MAP3K20: variants seen among roughly 807,000 people sequenced by gnomAD.
MAP3K20 encodes mitogen-activated protein kinase kinase kinase 20.
Under a neutral mutation model 85.7 loss-of-function variants are expected in MAP3K20, and 40 were observed. The ratio of observed to expected loss-of-function variants is 0.47; its 90% confidence interval spans 0.36 to 0.61. MAP3K20 has a LOEUF of 0.61. Ranked by LOEUF, MAP3K20 falls within the 20% of genes least tolerant of loss-of-function variation. The probability of loss-of-function intolerance (pLI) is 0.00; values close to 1 mark genes in which losing one functional copy is unlikely to be tolerated. For synonymous variants in MAP3K20, 325 were observed against 327.7 expected (o/e 0.99, Z 0.09); for missense variants, 817 against 961.7 (o/e 0.85, Z 1.99).
In MAP3K20 at chr2:173,217,265, C is replaced by G. The variant is rs201555790; in HGVS notation, c.987+15C>G. 25 of 1,528,840 alleles carry G rather than the reference C, an allele frequency of 1.6e-5. No homozygotes were observed. The East Asian group carries it at 2.6e-4, about 16-fold the overall frequency. 94.7% of individuals were successfully genotyped at this position (1,528,840 alleles called of 1,614,324 possible). The stretch of plus-strand genomic sequence containing the variant: ...CCAACACCCCGGTGAGTACCCTCCC[C>G]CTTCGCCGTCTTTCCACATGCGGCT... On this transcript the variant is annotated intron_variant, in intron 11 of 19. Transcript: ENST00000375213.
At chr2:173,232,596 TGG>T in intron 14 of MAP3K20, 137 bp downstream of exon 14, 1 of 1,288,672 alleles carries the variant, frequency 7.8e-7, no homozygotes, top group Non-Finnish European at 1.1e-6. Context: ...CTCCGCCTCC[TGG>T]GTTCAAGTGA....
At chr2:173,258,496 A>G (rs906292228) in intron 16 of MAP3K20, among the ~76,000 whole-genome samples, 1 of 151,200 alleles carries the variant, frequency 6.6e-6, no homozygotes, top group African/African-American at 2.4e-5. Context: ...ACACTGATAC[A>G]TTATGTCTCA....
Position 173,220,067 on chromosome 2 carries a change from C to CA in MAP3K20, c.987+2828dup, listed in dbSNP as rs71018543. Among the ~76,000 whole-genome samples the CA allele has an allele frequency of 1.7e-3, 195 of 114,148 alleles. 4 individuals carry two copies. Among genetic ancestry groups the CA allele is most frequent in the African/African-American group, 2.7e-3 (75 of 28,170 alleles). 74.9% of individuals were successfully genotyped at this position (114,148 alleles called of 152,430 possible). On this transcript the variant is annotated intron_variant, in intron 11 of 19. Transcript: ENST00000375213. ...TGGGCAACAGTGCTAGACTCTGTCT[C>CA]AAAAAAAAAAAGGAAACTGATCCTG...
intron 2 of MAP3K20, among the ~76,000 whole-genome samples, chr2:173,150,174 G>A (rs1190380435): frequency 6.6e-6 from 1 of 152,212 alleles, no homozygotes; most frequent in East Asian, 1.9e-4. Flanking sequence ...TATCCTGTAA[G>A]TGGAAAAGAG....
upstream of MAP3K20, chr2:173,075,715 G>A (rs1686826739): frequency 1.0e-6 from 1 of 984,958 alleles, no homozygotes; most frequent in African/African-American, 1.7e-5. Context: ...GGGGCGGATG[G>A]TGCCCCCCGG....
intron 14 of MAP3K20, among the ~76,000 whole-genome samples, chr2:173,235,432 GAT>G (rs1360338978): frequency 1.1e-4 from 16 of 152,318 alleles, no homozygotes; most frequent in Non-Finnish European, 4.4e-5. Context: ...ACTCCACACT[GAT>G]ATGTGTGGCA....
chr2:173,137,830 A>G (rs1559247606), intron 2 of MAP3K20, among the ~76,000 whole-genome samples: 2 of 152,216 alleles, frequency 1.3e-5, no homozygotes, highest in Non-Finnish European at 1.5e-5. Flanking sequence ...ACAGAAAGTA[A>G]AAGTGATCCT....
intron 3 of MAP3K20, among the ~76,000 whole-genome samples, chr2:173,178,143 A>G (rs1283900883): frequency 6.6e-6 from 1 of 152,220 alleles, no homozygotes; most frequent in East Asian, 1.9e-4. Context: ...AACTAGATTG[A>G]TCAAGAAAAA....
intron 2 of MAP3K20, among the ~76,000 whole-genome samples, chr2:173,163,500 G>C (rs1023007840): frequency 2.6e-5 from 4 of 152,108 alleles, no homozygotes; most frequent in African/African-American, 9.7e-5. Flanking sequence ...CTCCATCCAT[G>C]TTACTGCAAA....
Position 173,256,514 on chromosome 2 carries a change from T to C in MAP3K20, c.1360-2185T>C, listed in dbSNP as rs62174365. Among the ~76,000 whole-genome samples the C allele has an allele frequency of 0.013, 577 of 44,988 alleles. 8 individuals carry two copies. The South Asian group carries it at 0.18, about 14-fold the overall frequency. The allele number at this position is 44,988 out of a possible 152,430, so 29.5% of individuals were successfully genotyped here. A position where few individuals can be genotyped will look rare whatever the true frequency, so the allele number is the denominator to read the frequency against. On this transcript the variant is annotated intron_variant, in intron 16 of 19. Transcript: ENST00000375213. ...ATAGATAGATAGATAGATAGATAGA[T>C]AGATAGATAGATAGATAGACAGACA...
chr2:173,140,799 A>G (rs1327581143), intron 2 of MAP3K20, among the ~76,000 whole-genome samples: 1 of 151,774 alleles, frequency 6.6e-6, no homozygotes, highest in East Asian at 1.9e-4. Flanking sequence ...ATGTACGTGT[A>G]TGACAAAATT....
chr2:173,171,346 T>C (rs1303589574), intron 3 of MAP3K20, among the ~76,000 whole-genome samples: 1 of 152,214 alleles, frequency 6.6e-6, no homozygotes, highest in Admixed American at 6.5e-5. Context: ...ATGTTATTCC[T>C]CCCTAAGAAA....
chr2:173,249,189 G>A (rs112076558), intron 16 of MAP3K20, among the ~76,000 whole-genome samples: 4,045 of 152,272 alleles, frequency 0.027, 93 homozygotes, highest in African/African-American at 0.055. Flanking sequence ...TTGATGACAG[G>A]CACAGTTGTC....
At chr2:173,225,569 G>A in intron 11 of MAP3K20, 3 of 969,396 alleles carry the variant, frequency 3.1e-6, no homozygotes, top group Non-Finnish European at 3.6e-6. Flanking sequence ...ACTCCAGCCT[G>A]GATGACAGAG....
At chr2:173,100,463 T>C (rs1322050653) in intron 2 of MAP3K20, among the ~76,000 whole-genome samples, 2 of 152,254 alleles carry the variant, frequency 1.3e-5, no homozygotes, top group Admixed American at 1.3e-4. Flanking sequence ...TATTTGTTCC[T>C]TGATACCTGG....
chr2:173,263,709 CTTT>C (rs761325269), intron 18 of MAP3K20, 33 bp from the exon 19 acceptor site: 1 of 1,583,934 alleles, frequency 6.3e-7, no homozygotes, highest in African/African-American at 1.4e-5. Context: ...TTCTATTTGT[CTTT>C]TTTTTGTCTT....
intron 2 of MAP3K20, among the ~76,000 whole-genome samples, chr2:173,103,550 C>G (rs1343514785): frequency 2.0e-5 from 3 of 152,166 alleles, no homozygotes; most frequent in Non-Finnish European, 4.4e-5. Flanking sequence ...TCCAGGAAGG[C>G]CCTCTGTATC....
At chr2:173,100,616 AC>A (rs1442841489) in intron 2 of MAP3K20, among the ~76,000 whole-genome samples, 1 of 152,202 alleles carries the variant, frequency 6.6e-6, no homozygotes, top group African/African-American at 2.4e-5. Flanking sequence ...CACTGTAAGT[AC>A]AGTAACACAC....
Position 173,266,435 on chromosome 2 carries a change from C to G in MAP3K20, c.2088C>G (p.Tyr696Ter), listed in dbSNP as rs780680032. The G allele has an allele frequency of 6.2e-7, 1 of 1,614,144 alleles. No individual in the cohort carries two copies. The highest frequency in any genetic ancestry group is 1.1e-5 in the South Asian group (1 of 91,082). The change falls in exon 20 of 20, where the codon TAC (tyrosine) becomes TAG (stop). Residue 696 changes from tyrosine to a stop codon, truncating the protein, a stop_gained. Coordinates refer to ENST00000375213, the MANE Select transcript of MAP3K20 (RefSeq NM_016653.3). LOFTEE classifies it low-confidence loss of function (END_TRUNC). ...ISLNSSPRGRYSGKSQHSTPS... is the reference protein window; with the variant it reads ...ISLNSSPRGR ...TCAATTCTTCTCCTAGAGGAAGATA[C>G]AGTGGAAAGAGTCAGCATTCCACTC...
Sources: allele counts gnomAD v4.1 joint callset (sites outside exome capture counted in the v4.1 genomes callset), GRCh38; gene constraint gnomAD v4.1.1; transcripts MANE v1.5; gene names NCBI Gene and HGNC (gene_info 2026-07-23, HGNC 2026-07-21).